The following CACNA1B variants were observed in gnomAD, a reference collection of about 807,000 sequenced individuals.
CACNA1B encodes voltage-dependent N-type calcium channel subunit alpha-1B.
A neutral mutation model predicts 247.2 loss-of-function variants in CACNA1B; 70 were observed. The observed-to-expected ratio is 0.28, with a 90% CI of 0.23 to 0.35. The LOEUF (loss-of-function observed/expected upper bound fraction) is 0.35. CACNA1B is among the 10% of genes least tolerant of loss of function. CACNA1B has a pLI of 1.00. For synonymous variants in CACNA1B, 1,231 were observed against 1,294.4 expected, an observed-to-expected ratio of 0.95 and a Z score of 1.05; for missense variants, 2,367 against 3,197.4, an observed-to-expected ratio of 0.74 and a Z score of 6.26.
At chr9:137,902,182 G>T (rs1957247721) in intron 3 of CACNA1B, among the ~76,000 whole-genome samples, 1 of 152,138 alleles carries the variant, frequency 6.6e-6, no homozygotes, top group African/African-American at 2.4e-5. Context: ...TGTCTCTGGG[G>T]TTCTTTGCCA....
At chr9:138,103,417 C>T (rs1462406592) in intron 38 of CACNA1B, among the ~76,000 whole-genome samples, 1 of 152,176 alleles carries the variant, frequency 6.6e-6, no homozygotes, top group African/African-American at 2.4e-5. Context: ...GGAGAGGCAT[C>T]TTGCTATTAT....
chr9:138,039,993 G>C (rs1297614561), intron 20 of CACNA1B, among the ~76,000 whole-genome samples: 2 of 152,184 alleles, frequency 1.3e-5, no homozygotes, highest in Non-Finnish European at 2.9e-5. Flanking sequence ...GATCTATTGT[G>C]TAGTGGTGAC....
At chr9:138,039,819 T>C (rs1275643005) in intron 20 of CACNA1B, among the ~76,000 whole-genome samples, 1 of 152,176 alleles carries the variant, frequency 6.6e-6, no homozygotes, top group Non-Finnish European at 1.5e-5. Context: ...TTTTCTCTAA[T>C]TTTGTGAGCT....
intron 10 of CACNA1B, among the ~76,000 whole-genome samples, chr9:137,969,471 A>G (rs1447448098): frequency 5.3e-5 from 8 of 152,218 alleles, no homozygotes. Flanking sequence ...GGCCTTTCTC[A>G]TAGCAGAGGC....
At position 138,047,215 on chromosome 9, in the gene CACNA1B, G is replaced by A. The variant is rs548429410; in HGVS notation, c.3543+182G>A. ...GTCTGGAGACAGGAAGACAGGGTGC[G>A]GCAGAGGGGGCCTGTTCCCAGACGG... is the stretch of plus-strand genomic sequence containing the variant. On this transcript the variant is annotated intron_variant, in intron 22 of 46. Transcript: ENST00000371372. 5.1e-3 allele frequency among the ~76,000 whole-genome samples: 780 copies of A among 152,272 alleles called. 2 individuals carry two copies. The highest frequency in any genetic ancestry group is 0.024 in the Middle Eastern group (7 of 294).
chr9:138,080,900 C>A (rs1035069659), intron 36 of CACNA1B, among the ~76,000 whole-genome samples: 1 of 152,162 alleles, frequency 6.6e-6, no homozygotes, highest in Non-Finnish European at 1.5e-5. Context: ...GGTGAGCTTA[C>A]ACTTAGATAG....
intron 42 of CACNA1B, among the ~76,000 whole-genome samples, chr9:138,116,930 T>G (rs1481726398): frequency 6.6e-6 from 1 of 152,116 alleles, no homozygotes; most frequent in African/African-American, 2.4e-5. Context: ...GGATGGGGCT[T>G]CTCAGAAGCC....
intron 15 of CACNA1B, among the ~76,000 whole-genome samples, chr9:137,992,225 A>G (rs1304879450): frequency 6.6e-6 from 1 of 152,210 alleles, no homozygotes; most frequent in Non-Finnish European, 1.5e-5. Context: ...ACTTACATAA[A>G]CTTAAAGGGG....
chr9:138,000,343 C>T (rs1206415094), intron 15 of CACNA1B, among the ~76,000 whole-genome samples: 2 of 152,144 alleles, frequency 1.3e-5, no homozygotes, highest in South Asian at 2.1e-4. Context: ...CGTGATCAGC[C>T]CGCCTTGGCC....
At chr9:137,934,339 T>C (rs948284139) in intron 6 of CACNA1B, among the ~76,000 whole-genome samples, 6 of 152,182 alleles carry the variant, frequency 3.9e-5, no homozygotes, top group African/African-American at 1.4e-4. Context: ...CCCTTCCATT[T>C]GGGTTGCAAT....
At chr9:138,094,442 T>TAAAAA (rs753995157) in intron 36 of CACNA1B, among the ~76,000 whole-genome samples, 2 of 93,730 alleles carry the variant, frequency 2.1e-5, no homozygotes, top group African/African-American at 3.6e-5. Context: ...TTTACTACAG[T>TAAAAA]AAAAAAAAAA....
chr9:137,902,501 T>G (rs1957250766), intron 3 of CACNA1B, among the ~76,000 whole-genome samples: 1 of 152,248 alleles, frequency 6.6e-6, no homozygotes, highest in Non-Finnish European at 1.5e-5. Context: ...AATTTCCTTT[T>G]TTCTATTGTT....
At chr9:138,038,486 A>G (rs1011445638) in intron 20 of CACNA1B, among the ~76,000 whole-genome samples, 8 of 152,206 alleles carry the variant, frequency 5.3e-5, no homozygotes, top group African/African-American at 1.9e-4. Flanking sequence ...GCTCCTCTTC[A>G]GAGACTTCCC....
intron 10 of CACNA1B, among the ~76,000 whole-genome samples, chr9:137,964,695 A>G (rs1456261750): frequency 6.6e-6 from 1 of 152,300 alleles, no homozygotes; most frequent in African/African-American, 2.4e-5. Context: ...GCCTACTTCT[A>G]TCATTTCAAC....
At position 138,117,924 on chromosome 9, in the gene CACNA1B, CTGTT is replaced by C. The variant is rs537657918; in HGVS notation, c.5778-18_5778-15del. On this transcript the variant is annotated intron_variant, in intron 42 of 46. Coordinates refer to ENST00000371372, the MANE Select transcript of CACNA1B (RefSeq NM_000718.4). ...CTGCAGTCTCTGACCCTACAGGAAT[CTGTT>C]TGTCTTCTCTGCCACAGACAAAACC... is the stretch of plus-strand genomic sequence containing the variant. 5.4e-4 allele frequency: 838 copies of C among 1,547,748 alleles called. 6 individuals carry two copies. In the African/African-American group the frequency reaches 0.01, roughly 19 times the overall value.
rs1490813563 is a variant in CACNA1B, at chr9:138,011,940, A to C, written c.2161-1189A>C. Among the ~76,000 whole-genome samples the C allele has an allele frequency of 6.6e-6, 1 of 152,214 alleles. No homozygotes were observed. The highest frequency in any genetic ancestry group is 1.5e-5 in the Non-Finnish European group (1 of 68,032). The stretch of plus-strand genomic sequence containing the variant: ...GTGGCCCCAGCAGTCCAGATGGACA[A>C]CGTGGAAGTCGTAGCTTCCATTCTG... On this transcript the variant is annotated intron_variant, in intron 17 of 46. Coordinates refer to ENST00000371372, the MANE Select transcript of CACNA1B (RefSeq NM_000718.4). The surrounding 1 kb of genome is among the most constrained non-coding windows in gnomAD (Gnocchi z 4.2).
intron 3 of CACNA1B, chr9:137,890,246 G>A (rs1957078754): frequency 6.7e-6 from 1 of 149,830 alleles, no homozygotes; most frequent in Admixed American, 6.7e-5. Context: ...ACCCAAGGGA[G>A]GGTTGGCCTC....
rs150687805 is a variant in CACNA1B at position 138,111,661 on chromosome 9, C to T, written c.5429-737C>T. Among the ~76,000 whole-genome samples the T allele has an allele frequency of 4.7e-4, 71 of 152,350 alleles. No homozygotes were observed. In the East Asian group the frequency reaches 6.7e-3, roughly 14 times the overall value. On this transcript the variant is annotated intron_variant, in intron 39 of 46. Coordinates refer to ENST00000371372, the MANE Select transcript of CACNA1B (RefSeq NM_000718.4). ...ATTGTACCTTAATAAACCTGATGTT[C>T]AAGAAAGGTGAATCCAATTATTTTA...
In CACNA1B at chr9:138,050,687, G is replaced by A. The variant is rs750842951; in HGVS notation, c.3710+1372G>A. On this transcript the variant is annotated intron_variant, in intron 24 of 46. Coordinates refer to ENST00000371372, the MANE Select transcript of CACNA1B (RefSeq NM_000718.4). The surrounding 1 kb of genome is among the most constrained non-coding windows in gnomAD (Gnocchi z 5.2). ...GAAAAGGAGCAGGCCCCAGATGGAC[G>A]CTCCCCCAGAAAGCCTCATTTACTG... 2.0e-5 allele frequency among the ~76,000 whole-genome samples: 3 copies of A among 152,142 alleles called. No homozygotes were observed. The highest frequency in any genetic ancestry group is 4.1e-4 in the South Asian group (2 of 4,824).
Sources: allele counts gnomAD v4.1 joint callset (sites outside exome capture counted in the v4.1 genomes callset), GRCh38; gene constraint gnomAD v4.1.1; non-coding constraint Gnocchi (gnomAD v3.1); transcripts MANE v1.5; gene names NCBI Gene and HGNC (gene_info 2026-07-23, HGNC 2026-07-21).